The following C12orf42 variants were observed in gnomAD, a reference collection of about 807,000 sequenced individuals.
The protein encoded by C12orf42 is uncharacterized protein C12orf42.
Under a neutral mutation model 21.6 loss-of-function variants are expected in C12orf42, and 25 were observed. That is an observed-to-expected ratio of 1.16 (90% CI 0.84 to 1.62). The LOEUF is 1.62. Ranked by LOEUF, C12orf42 falls within the 40% of genes most tolerant of loss-of-function variation. The pLI is 0.00. For synonymous variants in C12orf42, 174 were observed against 175.0 expected (o/e 0.99, Z 0.05); for missense variants, 483 against 459.3 (o/e 1.05, Z -0.47).
chr12:103,130,726 C>T, the C12orf42 span, among the ~76,000 whole-genome samples: 6 of 152,164 alleles, frequency 3.9e-5, no homozygotes, highest in African/African-American at 7.2e-5. Context: ...ACCCTGAGTA[C>T]GTCAGGAGGC....
At chr12:103,396,627 A>G (rs2047558130) in intron 3 of C12orf42, 1 of 152,206 alleles carries the variant, frequency 6.6e-6, no homozygotes, top group African/African-American at 2.4e-5. Flanking sequence ...ATCCTTGGTC[A>G]TTAGTTGGCA....
At chr12:103,141,446 G>A in the C12orf42 span, among the ~76,000 whole-genome samples, 56 of 151,836 alleles carry the variant, frequency 3.7e-4, 1 homozygote, top group Middle Eastern at 6.8e-3. Flanking sequence ...TTAAGAAGCC[G>A]AATGATATAA....
chr12:103,051,621 A>G, the C12orf42 span, among the ~76,000 whole-genome samples: 6 of 152,220 alleles, frequency 3.9e-5, no homozygotes, highest in African/African-American at 1.4e-4. Flanking sequence ...AGCCATCCGC[A>G]TTTATGTGAA....
intron 2 of C12orf42, among the ~76,000 whole-genome samples, chr12:103,422,019 T>C (rs1417716327): frequency 6.6e-6 from 1 of 152,218 alleles, no homozygotes; most frequent in Non-Finnish European, 1.5e-5. Flanking sequence ...TAATGAAGTA[T>C]TGAACTTGAT....
At chr12:103,420,940 T>C (rs972815224) in intron 2 of C12orf42, among the ~76,000 whole-genome samples, 3 of 152,244 alleles carry the variant, frequency 2.0e-5, no homozygotes, top group African/African-American at 4.8e-5. Flanking sequence ...CAAGAAAGCA[T>C]AGTATAAAGT....
At chr12:103,082,389 A>G in the C12orf42 span, among the ~76,000 whole-genome samples, 1 of 152,210 alleles carries the variant, frequency 6.6e-6, no homozygotes, top group Non-Finnish European at 1.5e-5. Context: ...ACCAAATCCT[A>G]AAAGTCTTGT....
At chr12:103,115,804 T>C in the C12orf42 span, among the ~76,000 whole-genome samples, 1 of 152,214 alleles carries the variant, frequency 6.6e-6, no homozygotes, top group Non-Finnish European at 1.5e-5. Context: ...GGGACTGGAT[T>C]CACTTATCGA....
chr12:103,232,396 C>T, the C12orf42 span, among the ~76,000 whole-genome samples: 1 of 151,962 alleles, frequency 6.6e-6, no homozygotes. Context: ...AAGCCATGTA[C>T]ATTTCTCTCA....
the C12orf42 span, among the ~76,000 whole-genome samples, chr12:103,100,561 C>A: frequency 1.3e-5 from 2 of 152,198 alleles, no homozygotes; most frequent in African/African-American, 4.8e-5. Flanking sequence ...CCCAGAACCA[C>A]CCGGACAATG....
At chr12:103,329,253 AT>A (rs2040995952) in intron 4 of C12orf42, among the ~76,000 whole-genome samples, 1 of 152,182 alleles carries the variant, frequency 6.6e-6, no homozygotes, top group Non-Finnish European at 1.5e-5. Flanking sequence ...TGCAGGGGCC[AT>A]ATGTTTCTAT....
chr12:103,152,411 G>A, the C12orf42 span, among the ~76,000 whole-genome samples: 1 of 152,156 alleles, frequency 6.6e-6, no homozygotes, highest in African/African-American at 2.4e-5. Flanking sequence ...AAATATTGCA[G>A]ACCTTCCTGA....
At chr12:103,146,560 A>AG in the C12orf42 span, among the ~76,000 whole-genome samples, 2 of 119,958 alleles carry the variant, frequency 1.7e-5, no homozygotes, top group Non-Finnish European at 3.4e-5. Flanking sequence ...ATAAAGAAAG[A>AG]AAAGAAAGAA....
the C12orf42 span, among the ~76,000 whole-genome samples, chr12:103,216,314 A>C: frequency 1.3e-5 from 2 of 151,738 alleles, no homozygotes; most frequent in Non-Finnish European, 2.9e-5. Flanking sequence ...TTCTTTTTAC[A>C]CTTTAAAATG....
chr12:103,339,916 A>C (rs2042026880), intron 4 of C12orf42, among the ~76,000 whole-genome samples: 1 of 152,248 alleles, frequency 6.6e-6, no homozygotes, highest in Non-Finnish European at 1.5e-5. Context: ...ATACTTAGCA[A>C]AGTTCCTGAG....
intron 2 of C12orf42, among the ~76,000 whole-genome samples, chr12:103,438,564 G>A (rs1040293620): frequency 6.6e-6 from 1 of 151,892 alleles, no homozygotes; most frequent in Non-Finnish European, 1.5e-5. Context: ...CAAAGTCTCA[G>A]GATACAAAAT....
chr12:103,408,881 A>T (rs1404790553), intron 2 of C12orf42, among the ~76,000 whole-genome samples: 1 of 152,194 alleles, frequency 6.6e-6, no homozygotes, highest in Non-Finnish European at 1.5e-5. Context: ...CAGGAGATGA[A>T]CAAGTTATAT....
At chr12:103,100,202 G>T in the C12orf42 span, among the ~76,000 whole-genome samples, 17 of 152,216 alleles carry the variant, frequency 1.1e-4, no homozygotes, top group Admixed American at 3.3e-4. Context: ...CATCCCCACA[G>T]GACTGGCCCA....
At chr12:103,482,187 G>A (rs1333664112) in intron 1 of C12orf42, among the ~76,000 whole-genome samples, 1 of 152,018 alleles carries the variant, frequency 6.6e-6, no homozygotes, top group African/African-American at 2.4e-5. Flanking sequence ...AAATCTGTCT[G>A]GGATTACATT....
At chr12:103,118,386 C>T in the C12orf42 span, among the ~76,000 whole-genome samples, 1 of 152,192 alleles carries the variant, frequency 6.6e-6, no homozygotes, top group Non-Finnish European at 1.5e-5. Flanking sequence ...AACTCATACT[C>T]AGCTTCTGCT....
Sources: gnomAD v4.1 joint callset for allele counts (sites outside exome capture counted in the v4.1 genomes callset) on GRCh38, gnomAD v4.1.1 for gene constraint, MANE v1.5 for transcripts, NCBI Gene and HGNC (gene_info 2026-07-23, HGNC 2026-07-21) for gene names.